XYLT1: variants seen among roughly 807,000 people sequenced by gnomAD.
XYLT1 encodes xylosyltransferase 1.
XYLT1 carries 36 observed loss-of-function variants against 91.3 expected under a neutral mutation model. That is an observed-to-expected ratio of 0.39 (90% confidence interval 0.30 to 0.52). The LOEUF is 0.52. Ranked by LOEUF, XYLT1 falls within the 20% of genes least tolerant of loss-of-function variation. The pLI is 0.68. For missense variants in XYLT1, 1,242 were observed against 1,284.5 expected, an observed-to-expected ratio of 0.97 and a Z score of 0.51; for synonymous variants, 588 against 532.0, an observed-to-expected ratio of 1.11 and a Z score of -1.45.
At chr16:17,431,742 G>C (rs919644503) in intron 1 of XYLT1, among the ~76,000 whole-genome samples, 2 of 152,244 alleles carry the variant, frequency 1.3e-5, no homozygotes, top group Non-Finnish European at 2.9e-5. Context: ...GCCATGGATG[G>C]TAAATCACGT....
At chr16:17,234,129 GTACT>G (rs2033209898) in intron 3 of XYLT1, among the ~76,000 whole-genome samples, 1 of 152,158 alleles carries the variant, frequency 6.6e-6, no homozygotes, top group Non-Finnish European at 1.5e-5. Flanking sequence ...AGTGAGGCGG[GTACT>G]GCTGCCACGC....
chr16:17,259,497 T>C lies in XYLT1; in HGVS notation c.404A>G (p.Asp135Gly). The change falls in exon 3 of 12, where the codon GAT (aspartate) becomes GGT (glycine). Residue 135 changes from aspartate (D) to glycine (G), a missense_variant and splice_region_variant. Coordinates refer to ENST00000261381, the MANE Select transcript of XYLT1 (RefSeq NM_022166.4). ...TTTCGGCCGATGAGAAAAGTAGCCA[T>C]CCTGGAGAAGAGGGGAGAGAAACAG... is the stretch of plus-strand genomic sequence containing the variant. ...PSPLITLETQDGYFSHRPKEK... is the reference protein window; with the variant it reads ...PSPLITLETQGGYFSHRPKEK... The C allele has an allele frequency of 1.9e-6, 3 of 1,604,622 alleles. No individual in the cohort carries two copies. Among genetic ancestry groups the C allele is most frequent in the Non-Finnish European group, 2.5e-6 (3 of 1,176,722 alleles).
At chr16:17,437,398 G>A (rs1312372446) in intron 1 of XYLT1, among the ~76,000 whole-genome samples, 2 of 152,050 alleles carry the variant, frequency 1.3e-5, no homozygotes, top group Non-Finnish European at 2.9e-5. Context: ...GCCTCCAATC[G>A]TATTTGGCTC....
intron 3 of XYLT1, among the ~76,000 whole-genome samples, chr16:17,229,653 G>T (rs914715559): frequency 8.5e-5 from 13 of 152,172 alleles, no homozygotes; most frequent in African/African-American, 3.1e-4. Context: ...TTACCATGGG[G>T]AATGCATTCC....
intron 3 of XYLT1, among the ~76,000 whole-genome samples, chr16:17,215,995 G>A (rs528630687): frequency 6.6e-6 from 1 of 152,280 alleles, no homozygotes; most frequent in East Asian, 1.9e-4. Context: ...CAGATGGGGT[G>A]GTGTGGGATG....
At chr16:17,146,703 A>AACT (rs2031142305) in intron 6 of XYLT1, among the ~76,000 whole-genome samples, 2 of 152,130 alleles carry the variant, frequency 1.3e-5, no homozygotes, top group Non-Finnish European at 2.9e-5. Flanking sequence ...GGGTTAGGTA[A>AACT]TTCCCAAGGT....
intron 1 of XYLT1, among the ~76,000 whole-genome samples, chr16:17,369,222 C>A (rs1168774620): frequency 6.6e-6 from 1 of 151,146 alleles, no homozygotes; most frequent in African/African-American, 2.4e-5. Context: ...CTCCACCTCC[C>A]GGGTTCAAGC....
chr16:17,295,511 A>G (rs972882983), intron 2 of XYLT1, among the ~76,000 whole-genome samples: 2 of 152,112 alleles, frequency 1.3e-5, no homozygotes, highest in Non-Finnish European at 2.9e-5. Context: ...GTGTGCTGCC[A>G]TGCCCAGACA....
intron 11 of XYLT1, among the ~76,000 whole-genome samples, chr16:17,112,684 C>G (rs1204384421): frequency 6.6e-6 from 1 of 152,104 alleles, no homozygotes; most frequent in East Asian, 1.9e-4. Context: ...TGGGATTGGG[C>G]CTGGTCAGCT....
At chr16:17,224,450 C>T (rs2033028032) in intron 3 of XYLT1, among the ~76,000 whole-genome samples, 1 of 152,196 alleles carries the variant, frequency 6.6e-6, no homozygotes, top group South Asian at 2.1e-4. Context: ...TCTTATTTCG[C>T]AGTCTTATCA....
chr16:17,443,115 T>C (rs1156776387), intron 1 of XYLT1, among the ~76,000 whole-genome samples: 3 of 152,154 alleles, frequency 2.0e-5, no homozygotes, highest in Non-Finnish European at 4.4e-5. Flanking sequence ...AAAATAAGTA[T>C]GAAAATTGTA....
chr16:17,256,323 T>C (rs551025654), intron 3 of XYLT1, among the ~76,000 whole-genome samples: 2 of 152,272 alleles, frequency 1.3e-5, no homozygotes, highest in African/African-American at 4.8e-5. Context: ...TCCTCCCCTC[T>C]ATGAGCCTCA....
At chr16:17,210,313 C>A (rs747931037) in intron 3 of XYLT1, among the ~76,000 whole-genome samples, 1 of 152,144 alleles carries the variant, frequency 6.6e-6, no homozygotes, top group South Asian at 2.1e-4. Context: ...GCCTGACCAA[C>A]ATGGTGAAAC....
Position 17,265,004 on chromosome 16 carries a change from C to T in XYLT1, c.403-5506G>A, listed in dbSNP as rs139210327. On this transcript the variant is annotated intron_variant, in intron 2 of 11. Coordinates refer to ENST00000261381, the MANE Select transcript of XYLT1 (RefSeq NM_022166.4). ...GAGATCGAGACCATCCTGGCTAACA[C>T]TGTGAAACCCCGTCTCTACTAAAAA... Among the ~76,000 whole-genome samples, 837 of 152,236 alleles carry T rather than the reference C, an allele frequency of 5.5e-3. 7 individuals are homozygous for T. Among genetic ancestry groups the T allele is most frequent in the African/African-American group, 0.019 (807 of 41,516 alleles).
rs370056932 is a variant in XYLT1 at position 17,343,952 on chromosome 16, C to A, written c.402+14060G>T. On this transcript the variant is annotated intron_variant, in intron 2 of 11. Coordinates refer to ENST00000261381, the MANE Select transcript of XYLT1 (RefSeq NM_022166.4). ...GAGGCGTTCAACCAGCAGACTTCAC[C>A]TAAACGTCACCAGCTCCGTCTCATT... Among the ~76,000 whole-genome samples, 312 of 152,286 alleles carry A rather than the reference C, an allele frequency of 2.0e-3. 1 individual carries two copies. Among genetic ancestry groups the A allele is most frequent in the African/African-American group, 7.1e-3 (294 of 41,554 alleles).
Position 17,327,602 on chromosome 16 carries a change from TCCCGCCCCCCCCCC to T in XYLT1, c.402+30396_402+30409del, listed in dbSNP as rs1468542408. On this transcript the variant is annotated intron_variant, in intron 2 of 11. Transcript: ENST00000261381. Reference sequence around the variant, plus strand: ...TGGTCTCAATCTCCTGACCTCGTGATCCCGCCCCCCCCCCCCCCCCCCCCCCGCCTCGGCCTCCC... The same window carrying T: ...TGGTCTCAATCTCCTGACCTCGTGATCCCCCCCCCCCCGCCTCGGCCTCCC... Among the ~76,000 whole-genome samples, 154 of 107,090 alleles carry T rather than the reference TCCCGCCCCCCCCCC, an allele frequency of 1.4e-3. 8 individuals are homozygous for T. Among genetic ancestry groups the T allele is most frequent in the African/African-American group, 5.3e-3 (147 of 27,604 alleles). The allele number at this position is 107,090 out of a possible 152,430, so 70.3% of individuals were successfully genotyped here. A position where few individuals can be genotyped will look rare whatever the true frequency, so the allele number is the denominator to read the frequency against.
chr16:17,349,390 C>T (rs7199475), intron 2 of XYLT1, among the ~76,000 whole-genome samples: 147,695 of 152,236 alleles, frequency 0.97, 71,680 homozygotes, highest in East Asian at 1. Flanking sequence ...GATATCTCTA[C>T]CTATCTTGTA....
chr16:17,164,445 G>A (rs1334958923), intron 5 of XYLT1, among the ~76,000 whole-genome samples: 2 of 152,008 alleles, frequency 1.3e-5, no homozygotes, highest in Non-Finnish European at 2.9e-5. Flanking sequence ...TCACATTGTT[G>A]TGCAACCATC....
At chr16:17,321,196 A>G (rs1394312064) in intron 2 of XYLT1, among the ~76,000 whole-genome samples, 1 of 151,966 alleles carries the variant, frequency 6.6e-6, no homozygotes, top group Non-Finnish European at 1.5e-5. Flanking sequence ...GGGTGATTCC[A>G]ACATGAATCT....
Sources: allele counts gnomAD v4.1 joint callset (sites outside exome capture counted in the v4.1 genomes callset), GRCh38; gene constraint gnomAD v4.1.1; transcripts MANE v1.5; gene names NCBI Gene and HGNC (gene_info 2026-07-23, HGNC 2026-07-21).